Variants in CACNA1D observed in about 807,000 individuals in gnomAD.
The protein encoded by CACNA1D is calcium voltage-gated channel subunit alpha1 D.
Under a neutral mutation model 257.1 loss-of-function variants are expected in CACNA1D, and 55 were observed. The ratio of observed to expected loss-of-function variants is 0.21; its 90% confidence interval spans 0.17 to 0.27. The LOEUF is 0.27. Ranked by LOEUF, CACNA1D falls within the 10% of genes least tolerant of loss-of-function variation. The pLI, the probability that CACNA1D is intolerant of heterozygous loss-of-function variation, is 1.00. For synonymous variants in CACNA1D, 980 were observed against 1,014.9 expected, an observed-to-expected ratio of 0.97 and a Z score of 0.65; for missense variants, 1,876 against 2,784.0, an observed-to-expected ratio of 0.67 and a Z score of 7.34.
chr3:53,786,583 G>A, intron 39 of CACNA1D: 1 of 526,874 alleles, frequency 1.9e-6, no homozygotes, highest in Non-Finnish European at 3.4e-6. Flanking sequence ...ATTATTTTCT[G>A]CAACCTAGAG....
At chr3:53,555,393 C>A (rs3774445) in intron 3 of CACNA1D, among the ~76,000 whole-genome samples, 1 of 150,110 alleles carries the variant, frequency 6.7e-6, no homozygotes, top group Non-Finnish European at 1.5e-5. Context: ...GTTGGTGGAC[C>A]TTCTGCCCTT....
rs146747080 is a variant in CACNA1D at position 53,723,897 on chromosome 3, G to A, written c.1998G>A (p.Leu666=). ...TTCTCTTCATTATCATCTTTTCCTT[G>A]CTTGGGATGCAGCTGTTTGGCGGCA... ...LLFLFIIIFS[L]LGMQLFGGKF... The change falls in exon 14 of 48, where the codon TTG becomes TTA. Residue 666 remains leucine (L), a synonymous_variant. Coordinates refer to ENST00000350061, the MANE Select transcript of CACNA1D (RefSeq NM_001128840.3). This position sits in a 1 kb window ranked among gnomAD's most constrained non-coding sequence, Gnocchi z 5.6. 2,996 of 1,614,112 alleles carry A rather than the reference G, an allele frequency of 1.9e-3. 6 individuals carry two copies. Among genetic ancestry groups the A allele is most frequent in the South Asian group, 2.7e-3 (246 of 91,072 alleles).
At chr3:53,779,978 T>C (rs780896201) in intron 37 of CACNA1D, 48 bp from the exon 38 acceptor site, 3 of 1,216,566 alleles carry the variant, frequency 2.5e-6, no homozygotes, top group Non-Finnish European at 3.7e-6. Flanking sequence ...GATATGGTCG[T>C]GGTCACTCAT....
At position 53,770,358 on chromosome 3, in the gene CACNA1D, G is replaced by A. The variant is rs113380054; in HGVS notation, c.3916-66G>A. 77 of 1,513,242 alleles carry A rather than the reference G, an allele frequency of 5.1e-5. No individual in the cohort carries two copies. The African/African-American group carries it at 8.1e-4, about 16-fold the overall frequency. 93.7% of individuals were successfully genotyped at this position (1,513,242 alleles called of 1,614,324 possible). A position where few individuals can be genotyped will look rare whatever the true frequency, so the allele number is the denominator to read the frequency against. ...CTCTGTCACCTTTGCATCTGTTGCT[G>A]TTTTTCTGAAAGTGTTGCATGTTCT... On this transcript the variant is annotated intron_variant, in intron 31 of 47. Transcript: ENST00000350061.
chr3:53,497,586 T>A, intron 2 of CACNA1D, 125 bp downstream of exon 2: 1 of 985,352 alleles, frequency 1.0e-6, no homozygotes, highest in Non-Finnish European at 1.6e-6. Context: ...AAGTTGTATA[T>A]AAGGGGTTTC....
chr3:53,530,379 G>C (rs754266226), intron 3 of CACNA1D: 1 of 152,160 alleles, frequency 6.6e-6, no homozygotes, highest in Non-Finnish European at 1.5e-5. Flanking sequence ...TCAGATTGTC[G>C]TGTTTAGACA....
intron 3 of CACNA1D, among the ~76,000 whole-genome samples, chr3:53,600,345 A>G (rs114104899): frequency 0.016 from 2,404 of 152,298 alleles, 54 homozygotes; most frequent in African/African-American, 0.054. Context: ...AGAGGCATTC[A>G]TATAGTTGCT....
At chr3:53,754,443 C>G (rs372458128) in intron 29 of CACNA1D, among the ~76,000 whole-genome samples, 1 of 152,204 alleles carries the variant, frequency 6.6e-6, no homozygotes, top group Non-Finnish European at 1.5e-5. Flanking sequence ...CCCTGCGCCT[C>G]GACTTCCTCA....
intron 2 of CACNA1D, among the ~76,000 whole-genome samples, chr3:53,500,308 G>C (rs1234431719): frequency 6.9e-6 from 1 of 144,614 alleles, no homozygotes; most frequent in Non-Finnish European, 1.5e-5. Flanking sequence ...GCACATGACT[G>C]TAGTTCCAGC....
In CACNA1D at chr3:53,811,204, C is replaced by T. The variant is rs2095599242; in HGVS notation, c.6284C>T (p.Thr2095Ile). 1 of 1,614,044 alleles carries T rather than the reference C, an allele frequency of 6.2e-7. No homozygotes were observed. The highest frequency in any genetic ancestry group is 8.5e-7 in the Non-Finnish European group (1 of 1,179,944). Residue 2095 changes from threonine to isoleucine, a missense_variant, in exon 48 of 48, where the codon ACC becomes ATC. Thr to Ile is a moderately conservative substitution (Grantham distance 89). Around this residue, in one of 10 missense-constraint regions of CACNA1D, gnomAD observed 491 missense variants for 554.3 expected, o/e 0.89. Transcript: ENST00000350061. This position sits in a 1 kb window ranked among gnomAD's most constrained non-coding sequence, Gnocchi z 4.2. ...KHEIADACDLTIDEMESAAST... is the reference protein window; with the variant it reads ...KHEIADACDLIIDEMESAAST... ...GAAATCGCTGATGCCTGTGACCTCA[C>T]CATCGACGAGATGGAGAGTGCAGCC...
chr3:53,520,909 C>CT (rs2091547051), intron 3 of CACNA1D, among the ~76,000 whole-genome samples: 5 of 96,392 alleles, frequency 5.2e-5, no homozygotes, highest in African/African-American at 7.9e-5. Context: ...CTTTTCTTTT[C>CT]TTTTCTTTTT....
intron 29 of CACNA1D, among the ~76,000 whole-genome samples, chr3:53,756,314 G>A (rs2095264684): frequency 6.6e-6 from 1 of 152,164 alleles, no homozygotes; most frequent in Non-Finnish European, 1.5e-5. Context: ...ATGGCCCAAG[G>A]TCATGGGAGA....
At chr3:53,695,146 A>C (rs893672136) in intron 8 of CACNA1D, among the ~76,000 whole-genome samples, 1 of 152,184 alleles carries the variant, frequency 6.6e-6, no homozygotes, top group South Asian at 2.1e-4. Flanking sequence ...GCAACAAAAA[A>C]TGGACTAAGT....
rs182744542 is a variant in CACNA1D at position 53,555,867 on chromosome 3, G to A, written c.483+54147G>A. Among the ~76,000 whole-genome samples, 334 of 152,222 alleles carry A rather than the reference G, an allele frequency of 2.2e-3. 1 individual carries two copies. The highest frequency in any genetic ancestry group is 3.6e-3 in the Non-Finnish European group (246 of 68,020). On this transcript the variant is annotated intron_variant, in intron 3 of 47. Coordinates refer to ENST00000350061, the MANE Select transcript of CACNA1D (RefSeq NM_001128840.3). ...ACAGTAAAAATCGGGGTGTGTGCACGTGTATACAGTTCTGTGAGCTTTAAC... is the reference window on the plus strand; with the variant it reads ...ACAGTAAAAATCGGGGTGTGTGCACATGTATACAGTTCTGTGAGCTTTAAC...
At chr3:53,545,060 C>A (rs72964389) in intron 3 of CACNA1D, among the ~76,000 whole-genome samples, 4,500 of 152,260 alleles carry the variant, frequency 0.03, 223 homozygotes, top group African/African-American at 0.1. Flanking sequence ...GGATCCTTCC[C>A]ATTGTATTCA....
chr3:53,559,666 G>C (rs1388790848), intron 3 of CACNA1D, among the ~76,000 whole-genome samples: 2 of 152,184 alleles, frequency 1.3e-5, no homozygotes, highest in African/African-American at 4.8e-5. Flanking sequence ...TTTAGGGTCG[G>C]ATCCACAACG....
chr3:53,651,743 G>A (rs920839854), intron 4 of CACNA1D, among the ~76,000 whole-genome samples: 1 of 152,198 alleles, frequency 6.6e-6, no homozygotes, highest in African/African-American at 2.4e-5. Flanking sequence ...GCTGTAAAGT[G>A]AGTTGCTCCT....
At chr3:53,523,382 C>G (rs575707274) in intron 3 of CACNA1D, among the ~76,000 whole-genome samples, 3 of 152,312 alleles carry the variant, frequency 2.0e-5, no homozygotes, top group East Asian at 3.9e-4. Context: ...TTACCCACAT[C>G]TTAGTGATGG....
chr3:53,535,720 A>G (rs945974986), intron 3 of CACNA1D, among the ~76,000 whole-genome samples: 1 of 152,254 alleles, frequency 6.6e-6, no homozygotes, highest in Admixed American at 6.5e-5. Context: ...CTGAGATGAA[A>G]GCTGGGGCAG....
Sources: allele counts gnomAD v4.1 joint callset (sites outside exome capture counted in the v4.1 genomes callset), GRCh38; gene constraint gnomAD v4.1.1; regional missense constraint gnomAD v4.1.1; non-coding constraint Gnocchi (gnomAD v3.1); transcripts MANE v1.5; gene names NCBI Gene and HGNC (gene_info 2026-07-23, HGNC 2026-07-21).